The following PGAP4 variants were observed in gnomAD, a reference collection of about 807,000 sequenced individuals.
The protein encoded by PGAP4 is GPI-N-acetylgalactosamine transferase PGAP4.
Under a neutral mutation model 28.2 loss-of-function variants are expected in PGAP4, and 12 were observed. The observed-to-expected ratio is 0.42, with a 90% confidence interval of 0.27 to 0.69. The LOEUF (loss-of-function observed/expected upper bound fraction) is 0.69, where lower values mean the gene tolerates loss of function less well. Ranked by LOEUF, PGAP4 falls within the 30% of genes least tolerant of loss-of-function variation. The probability of loss-of-function intolerance (pLI) is 0.22; values close to 1 mark genes in which losing one functional copy is unlikely to be tolerated. For missense variants in PGAP4, 425 were observed against 513.5 expected (o/e 0.83, Z 1.67); for synonymous variants, 205 against 211.8 (o/e 0.97, Z 0.28).
rs574087437 is a variant in PGAP4, at chr9:101,509,159, T to A, written c.-164-19959A>T. On this transcript the variant is annotated intron_variant, in intron 2 of 3. Transcript: ENST00000374851. ...TTCCCAGTCTGGGGGTCTTTTGTGG[T>A]TGGGAAGTAATGCTCAGACTCTTTT... Among the ~76,000 whole-genome samples, 7 of 152,276 alleles carry A rather than the reference T, an allele frequency of 4.6e-5. No individual in the cohort carries two copies. In the South Asian group the frequency reaches 1.5e-3, roughly 32 times the overall value.
At chr9:101,528,803 T>G (rs925137036) in intron 2 of PGAP4, among the ~76,000 whole-genome samples, 5 of 152,068 alleles carry the variant, frequency 3.3e-5, no homozygotes, top group Non-Finnish European at 7.4e-5. Flanking sequence ...AGTTTTTTTT[T>G]TTTTTTTTAA....
At chr9:101,496,360 G>A (rs1235218372) in intron 2 of PGAP4, among the ~76,000 whole-genome samples, 1 of 151,406 alleles carries the variant, frequency 6.6e-6, no homozygotes, top group Non-Finnish European at 1.5e-5. Context: ...GCGAAGTCCA[G>A]CAAAAGTTGA....
chr9:101,508,395 C>T (rs546512888), intron 2 of PGAP4, among the ~76,000 whole-genome samples: 2 of 152,026 alleles, frequency 1.3e-5, no homozygotes, highest in East Asian at 1.9e-4. Flanking sequence ...TCTGCAGGCA[C>T]GTCAATAAAA....
At chr9:101,520,074 T>G (rs890156871) in intron 2 of PGAP4, among the ~76,000 whole-genome samples, 1 of 152,246 alleles carries the variant, frequency 6.6e-6, no homozygotes, top group African/African-American at 2.4e-5. Flanking sequence ...CACTGGTCTA[T>G]GTGCCTATTT....
chr9:101,489,211 CA>C (rs1361515146), upstream of PGAP4: 1 of 151,574 alleles, frequency 6.6e-6, no homozygotes, highest in African/African-American at 2.4e-5. Flanking sequence ...CTTCTCAAAG[CA>C]AAGCAAAAAT....
At chr9:101,477,594 A>G (rs1826364771) in intron 1 of PGAP4, among the ~76,000 whole-genome samples, 1 of 152,212 alleles carries the variant, frequency 6.6e-6, no homozygotes, top group Non-Finnish European at 1.5e-5. Flanking sequence ...GTTCCAGAAT[A>G]AGGGCCCAGA....
At chr9:101,520,650 A>G (rs1826981399) in intron 2 of PGAP4, among the ~76,000 whole-genome samples, 1 of 152,158 alleles carries the variant, frequency 6.6e-6, no homozygotes, top group Non-Finnish European at 1.5e-5. Context: ...GTAAATGATC[A>G]TATCGTCAGC....
rs569844498 is a variant in PGAP4 at position 101,515,371 on chromosome 9, T to C, written c.-165+15977A>G. ...TACATTTAGTGCCCACCCAGATAAT[T>C]CAGGATAATTCCCCTTCTGAAGATC... On this transcript the variant is annotated intron_variant, in intron 2 of 3. Coordinates refer to the PGAP4 transcript ENST00000374851. Among the ~76,000 whole-genome samples, 44 of 152,260 alleles carry C rather than the reference T, an allele frequency of 2.9e-4. 1 individual carries two copies. The East Asian group carries it at 7.9e-3, about 27-fold the overall frequency.
intron 2 of PGAP4, among the ~76,000 whole-genome samples, chr9:101,521,129 G>A (rs558205272): frequency 1.2e-4 from 19 of 152,196 alleles, no homozygotes; most frequent in African/African-American, 4.3e-4. Context: ...CTACTATTTT[G>A]TGAAGGATTT....
chr9:101,508,418 G>A (rs1826868167), intron 2 of PGAP4, among the ~76,000 whole-genome samples: 1 of 152,074 alleles, frequency 6.6e-6, no homozygotes, highest in South Asian at 2.1e-4. Flanking sequence ...TGACCCATAA[G>A]TTGATGAGTT....
At chr9:101,509,670 A>G (rs1826878438) in intron 2 of PGAP4, among the ~76,000 whole-genome samples, 1 of 152,152 alleles carries the variant, frequency 6.6e-6, no homozygotes, top group African/African-American at 2.4e-5. Context: ...TTTTAATCAC[A>G]TGCTGCAAAA....
At chr9:101,531,798 C>T (rs1827092391) in intron 1 of PGAP4, among the ~76,000 whole-genome samples, 2 of 152,190 alleles carry the variant, frequency 1.3e-5, no homozygotes, top group Admixed American at 6.5e-5. Flanking sequence ...TTGGGTAGAT[C>T]ACCAATAATG....
At chr9:101,490,513 T>G (rs975827290), upstream of PGAP4, among the ~76,000 whole-genome samples, 2 of 152,224 alleles carry the variant, frequency 1.3e-5, no homozygotes, top group African/African-American at 4.8e-5. Flanking sequence ...CTACAAGATT[T>G]AGGTTCTTGG....
chr9:101,529,662 T>C (rs1032190081), intron 2 of PGAP4, among the ~76,000 whole-genome samples: 2 of 152,058 alleles, frequency 1.3e-5, no homozygotes, highest in African/African-American at 2.4e-5. Flanking sequence ...TGATGTAGTA[T>C]AGTGGGCCAG....
chr9:101,480,347 G>GTTT (rs1826447256), intron 1 of PGAP4, among the ~76,000 whole-genome samples: 12 of 147,162 alleles, frequency 8.2e-5, no homozygotes, highest in East Asian at 2.1e-4. Context: ...AGATAGAACT[G>GTTT]TTTTTTGTTG....
intron 2 of PGAP4, among the ~76,000 whole-genome samples, chr9:101,508,605 G>A (rs960423884): frequency 6.6e-6 from 1 of 152,076 alleles, no homozygotes; most frequent in Admixed American, 6.6e-5. Context: ...ATAAAGCAAC[G>A]GTCCTCAACC....
In PGAP4 at chr9:101,492,435, G is replaced by A. The variant is rs185426024; in HGVS notation, c.-164-3235C>T. On this transcript the variant is annotated intron_variant, in intron 2 of 3. Transcript: ENST00000374851. ...TCTTGATATCCTGACCTCGTGATCC[G>A]CCCGCCCGGCAGTAATTTTTGTCTT... is the stretch of plus-strand genomic sequence containing the variant. 7.3e-4 allele frequency among the ~76,000 whole-genome samples: 111 copies of A among 152,128 alleles called. 1 individual carries two copies. The highest frequency in any genetic ancestry group is 6.5e-4 in the Admixed American group (10 of 15,270).
intron 2 of PGAP4, among the ~76,000 whole-genome samples, chr9:101,504,205 G>GTTTTTTTT (rs373740296): frequency 2.9e-5 from 1 of 34,550 alleles, no homozygotes; most frequent in Non-Finnish European, 6.0e-5. Context: ...GTGTGTGTGT[G>GTTTTTTTT]TTTGTTTTTT....
upstream of PGAP4, among the ~76,000 whole-genome samples, chr9:101,491,663 A>G (rs1276977251): frequency 6.6e-6 from 1 of 151,294 alleles, no homozygotes; most frequent in Non-Finnish European, 1.5e-5. Flanking sequence ...AAATTTTCAA[A>G]TATTTGGGGC....
Sources: gnomAD v4.1 joint callset for allele counts (sites outside exome capture counted in the v4.1 genomes callset) on GRCh38, gnomAD v4.1.1 for gene constraint, MANE v1.5 for transcripts, NCBI Gene and HGNC (gene_info 2026-07-23, HGNC 2026-07-21) for gene names.